Variants in DMD observed in about 807,000 individuals in gnomAD.
The protein encoded by DMD is dystrophin, also known as mutant dystrophin.
In DMD, 63 loss-of-function variants were observed where a neutral mutation model predicts 330.1. The observed-to-expected ratio is 0.19, with a 90% confidence interval of 0.16 to 0.24. The LOEUF (loss-of-function observed/expected upper bound fraction) is 0.24, where lower values mean the gene tolerates loss of function less well. Among genes scored for constraint, DMD ranks in the 10% least tolerant of loss-of-function variants. The pLI is 1.00. For missense variants in DMD, 3,344 were observed against 2,684.1 expected (o/e 1.25, Z -5.43); for synonymous variants, 1,223 against 959.8 (o/e 1.27, Z -5.07).
At chrX:32,913,918 C>T (rs992499109) in intron 2 of DMD, among the ~76,000 whole-genome samples, 7 of 111,803 alleles carry the variant, frequency 6.3e-5, no homozygotes, top group Admixed American at 1.9e-4. Flanking sequence ...ACAACAGTTT[C>T]CCACTGCAGT....
At chrX:32,763,913 C>G (rs981654002) in intron 7 of DMD, among the ~76,000 whole-genome samples, 4 of 111,028 alleles carry the variant, frequency 3.6e-5, no homozygotes, top group Non-Finnish European at 7.6e-5. Flanking sequence ...AAAAAAGACC[C>G]CAAATTAAAA....
intron 60 of DMD, among the ~76,000 whole-genome samples, chrX:31,381,364 C>T (rs1342805065): frequency 2.7e-5 from 3 of 111,736 alleles, no homozygotes; most frequent in South Asian, 3.7e-4. Flanking sequence ...GTGCGGCAGC[C>T]GCCACCACCC....
At chrX:32,683,993 C>T (rs966236823) in intron 9 of DMD, among the ~76,000 whole-genome samples, 1 of 100,505 alleles carries the variant, frequency 9.9e-6, no homozygotes, top group Admixed American at 1.1e-4. Context: ...ATAGCACATA[C>T]AAAACACACA....
chrX:33,128,080 T>C, intron 1 of DMD: 1 of 1,185,175 alleles, frequency 8.4e-7, no homozygotes, highest in Non-Finnish European at 1.1e-6. Context: ...GAAGCCTGCT[T>C]CTGAATGCTT....
chrX:31,416,177 A>T (rs2061863144), intron 60 of DMD, among the ~76,000 whole-genome samples: 1 of 112,178 alleles, frequency 8.9e-6, no homozygotes, highest in South Asian at 3.7e-4. Context: ...ATTCTAGGAC[A>T]GCACAGCCTT....
chrX:31,184,753 G>T (rs6628585), intron 67 of DMD, among the ~76,000 whole-genome samples: 2,614 of 83,551 alleles, frequency 0.031, 20 homozygotes, highest in East Asian at 0.078. Flanking sequence ...AGAAAATGTG[G>T]CACATATACA....
chrX:32,098,018 T>G (rs368623108), intron 44 of DMD, among the ~76,000 whole-genome samples: 2 of 111,298 alleles, frequency 1.8e-5, no homozygotes, highest in Admixed American at 1.9e-4. Context: ...TCAAAGAACA[T>G]GACCATAAAT....
At chrX:32,518,832 G>A (rs1203610601) in intron 17 of DMD, among the ~76,000 whole-genome samples, 1 of 109,948 alleles carries the variant, frequency 9.1e-6, no homozygotes, top group Non-Finnish European at 1.9e-5. Flanking sequence ...AGACAAATGA[G>A]TGCTCCAGTT....
At chrX:33,238,828 C>A (rs1037750749) in intron 1 of DMD, among the ~76,000 whole-genome samples, 9 of 111,077 alleles carry the variant, frequency 8.1e-5, no homozygotes, top group Non-Finnish European at 1.5e-4. Context: ...GATAGGACAC[C>A]AATAACCCAA....
intron 37 of DMD, among the ~76,000 whole-genome samples, chrX:32,356,859 T>C (rs116626297): frequency 0.024 from 2,689 of 111,906 alleles, 74 homozygotes; most frequent in African/African-American, 0.083. Context: ...AATAAAAATA[T>C]AACTTGATGC....
At chrX:32,256,667 T>C (rs929492188) in intron 43 of DMD, among the ~76,000 whole-genome samples, 1 of 111,611 alleles carries the variant, frequency 9.0e-6, no homozygotes, top group Non-Finnish European at 1.9e-5. Flanking sequence ...TTCCTTTCCA[T>C]GTTTAGTGAT....
At chrX:32,657,831 A>C (rs1354377038) in intron 9 of DMD, among the ~76,000 whole-genome samples, 1 of 111,787 alleles carries the variant, frequency 8.9e-6, no homozygotes, top group East Asian at 2.8e-4. Context: ...ATTAATTTTC[A>C]AATACGTCTC....
chrX:31,353,326 GACTC>G (rs1199625069), intron 60 of DMD, among the ~76,000 whole-genome samples: 2 of 111,447 alleles, frequency 1.8e-5, no homozygotes, highest in Admixed American at 1.9e-4. Context: ...TCTGTGACAT[GACTC>G]ACTATTTTAG....
At chrX:31,490,865 A>G (rs1292380597) in intron 57 of DMD, among the ~76,000 whole-genome samples, 2 of 112,644 alleles carry the variant, frequency 1.8e-5, no homozygotes, top group African/African-American at 6.4e-5. Flanking sequence ...ATTTTATTGA[A>G]TTTCTCAGCC....
chrX:32,738,048 T>C (rs184552766), intron 7 of DMD, among the ~76,000 whole-genome samples: 171 of 111,946 alleles, frequency 1.5e-3, no homozygotes, highest in Admixed American at 2.3e-3. Flanking sequence ...CCTATAGACA[T>C]ACAGGAAGCT....
At chrX:32,770,146 A>G (rs2073446958) in intron 7 of DMD, among the ~76,000 whole-genome samples, 1 of 111,932 alleles carries the variant, frequency 8.9e-6, no homozygotes. Context: ...AGAAAGCCGG[A>G]TTTTGTTTAG....
intron 2 of DMD, among the ~76,000 whole-genome samples, chrX:33,018,617 TC>T (rs1288485710): frequency 5.3e-5 from 3 of 56,938 alleles, no homozygotes; most frequent in Admixed American, 1.8e-4. Flanking sequence ...TTACTCTAGT[TC>T]AATTCAAAGA....
intron 20 of DMD, among the ~76,000 whole-genome samples, chrX:32,486,646 A>T (rs2042504478): frequency 9.2e-6 from 1 of 108,504 alleles, no homozygotes; most frequent in African/African-American, 3.3e-5. Flanking sequence ...CTGGTACCAA[A>T]ACAGAGATAT....
At chrX:31,862,289 T>G (rs943350403) in intron 48 of DMD, among the ~76,000 whole-genome samples, 3 of 110,034 alleles carry the variant, frequency 2.7e-5, no homozygotes, top group Non-Finnish European at 5.7e-5. Flanking sequence ...CTCACCACCA[T>G]GCCCAGCTAA....
Sources: gnomAD v4.1 joint callset for allele counts (sites outside exome capture counted in the v4.1 genomes callset) on GRCh38, gnomAD v4.1.1 for gene constraint, MANE v1.5 for transcripts, NCBI Gene and HGNC (gene_info 2026-07-23, HGNC 2026-07-21) for gene names.